CRYZ: variants seen among roughly 807,000 people sequenced by gnomAD.
CRYZ encodes crystallin zeta, also known as zeta-crystallin.
Under a neutral mutation model 34.1 loss-of-function variants are expected in CRYZ, and 35 were observed. That is an observed-to-expected ratio of 1.03 (90% CI 0.78 to 1.36). The LOEUF (loss-of-function observed/expected upper bound fraction) is 1.36. Among genes scored for constraint, CRYZ ranks in the 40% most tolerant of loss-of-function variants. CRYZ has a pLI of 0.00. For missense variants in CRYZ, 403 were observed against 391.8 expected (o/e 1.03, Z -0.24); for synonymous variants, 137 against 136.5 (o/e 1.00, Z -0.03).
chr1:74,728,112 T>C (rs1434907645), intron 1 of CRYZ, among the ~76,000 whole-genome samples: 2 of 152,244 alleles, frequency 1.3e-5, no homozygotes, highest in Admixed American at 6.5e-5. Flanking sequence ...AAAAGAATTC[T>C]ACAATTCGCT....
intron 5 of CRYZ, among the ~76,000 whole-genome samples, chr1:74,714,143 G>A (rs79933303): frequency 3.9e-5 from 6 of 152,154 alleles, no homozygotes; most frequent in African/African-American, 9.6e-5. Flanking sequence ...GAAGGACTAA[G>A]AATTCACAGT....
At chr1:74,732,142 TAC>T (rs1647799785) in intron 1 of CRYZ, among the ~76,000 whole-genome samples, 1 of 127,514 alleles carries the variant, frequency 7.8e-6, no homozygotes, top group African/African-American at 3.0e-5. Flanking sequence ...AGAAATCCCC[TAC>T]AGCTGGGCTG....
At chr1:74,721,445 A>C (rs188260481) in intron 3 of CRYZ, among the ~76,000 whole-genome samples, 28 of 152,290 alleles carry the variant, frequency 1.8e-4, no homozygotes, top group Non-Finnish European at 1.2e-4. Context: ...AAGGAATTTT[A>C]AGAGTCTCCC....
chr1:74,731,651 G>A (rs889025965), intron 1 of CRYZ, among the ~76,000 whole-genome samples: 2 of 152,178 alleles, frequency 1.3e-5, no homozygotes, highest in Non-Finnish European at 1.5e-5. Flanking sequence ...TATGGAACAG[G>A]GCAGTCTGTT....
chr1:74,723,266 A>G lies in CRYZ; in HGVS notation c.116T>C (p.Leu39Pro). Residue 39 changes from leucine to proline, a missense_variant, in exon 3 of 9, where the codon CTA (leucine) becomes CCA (proline). Coordinates refer to ENST00000340866, the MANE Select transcript of CRYZ (RefSeq NM_001889.4). The part of the protein sequence containing the change: ...AVPIPKDHQV[L>P]IKVHACGVNP... ...GACACCACATGCATGGACCTTGATT[A>G]GAACCTGCAATGACAATGTATTTTA... 6.2e-7 allele frequency: 1 copy of G among 1,608,766 alleles called. No individual in the cohort carries two copies. The highest frequency in any genetic ancestry group is 8.5e-7 in the Non-Finnish European group (1 of 1,178,782).
At chr1:74,729,028 T>A (rs1366619044) in intron 1 of CRYZ, among the ~76,000 whole-genome samples, 1 of 152,120 alleles carries the variant, frequency 6.6e-6, no homozygotes, top group African/African-American at 2.4e-5. Context: ...AGCTCAGAAT[T>A]CCTTAGACAA....
intron 6 of CRYZ, 105 bp downstream of exon 6, chr1:74,709,993 G>A: frequency 1.1e-6 from 1 of 883,218 alleles, no homozygotes; most frequent in Non-Finnish European, 1.7e-6. Flanking sequence ...CTGAAAAAAG[G>A]AAGCAAACAG....
chr1:74,732,454 T>A (rs930378144), intron 1 of CRYZ, among the ~76,000 whole-genome samples: 16 of 151,454 alleles, frequency 1.1e-4, no homozygotes, highest in African/African-American at 3.6e-4. Flanking sequence ...AGCTGGGCTG[T>A]GGGAAGGGGC....
chr1:74,722,574 C>A lies in CRYZ; in HGVS notation c.264+544G>T, dbSNP rs866181717. On this transcript the variant is annotated intron_variant, in intron 3 of 8. Coordinates refer to ENST00000340866, the MANE Select transcript of CRYZ (RefSeq NM_001889.4). Reference sequence around the variant, plus strand: ...GGAAAGATGCTAGGACATGAGCTTACTATGAATATGTCTTTGGGCATATAT... The same window carrying A: ...GGAAAGATGCTAGGACATGAGCTTAATATGAATATGTCTTTGGGCATATAT... Among the ~76,000 whole-genome samples the A allele has an allele frequency of 2.0e-3, 297 of 148,894 alleles. 2 individuals are homozygous for A. Among genetic ancestry groups the A allele is most frequent in the African/African-American group, 7.0e-3 (285 of 40,660 alleles).
intron 1 of CRYZ, among the ~76,000 whole-genome samples, chr1:74,726,142 T>C (rs894826167): frequency 2.7e-4 from 41 of 152,180 alleles, no homozygotes; most frequent in African/African-American, 9.6e-4. Context: ...AGTGGCCTTC[T>C]TCTCACAGCT....
chr1:74,706,704 T>C (rs1646933998), intron 8 of CRYZ, among the ~76,000 whole-genome samples, 195 bp downstream of exon 8: 1 of 152,018 alleles, frequency 6.6e-6, no homozygotes, highest in Non-Finnish European at 1.5e-5. Context: ...TAGTATCACA[T>C]TTCTATCTCA....
At chr1:74,716,531 A>T (rs1177861915) in intron 4 of CRYZ, among the ~76,000 whole-genome samples, 2 of 152,080 alleles carry the variant, frequency 1.3e-5, no homozygotes, top group Admixed American at 1.3e-4. Flanking sequence ...CAGAAAGAAA[A>T]TCAAGCATCA....
chr1:74,724,823 G>T lies in CRYZ; in HGVS notation c.-2C>A. The T allele has an allele frequency of 6.3e-7, 1 of 1,593,292 alleles. No individual in the cohort carries two copies. The highest frequency in any genetic ancestry group is 1.3e-5 in the African/African-American group (1 of 74,236). ...CATCAACTTCTGTCCAGTCGCCATG[G>T]TGATCTAGATACTAAGGAAGAAAAA... On this transcript the variant is annotated 5_prime_UTR_variant, in exon 2 of 9. Coordinates refer to ENST00000340866, the MANE Select transcript of CRYZ (RefSeq NM_001889.4).
At chr1:74,728,472 A>C (rs772461890) in intron 1 of CRYZ, among the ~76,000 whole-genome samples, 17 of 152,344 alleles carry the variant, frequency 1.1e-4, no homozygotes, top group Non-Finnish European at 1.9e-4. Context: ...AATCAACCAA[A>C]TAGTGTTAGA....
chr1:74,707,228 G>A lies in CRYZ; in HGVS notation c.631-24C>T, dbSNP rs780805667. On this transcript the variant is annotated intron_variant, in intron 6 of 8. Coordinates refer to ENST00000340866, the MANE Select transcript of CRYZ (RefSeq NM_001889.4). ...TTCTATATAATAAAAGAGAAATGTA[G>A]AGTAAGATAGCAAGTGAAAAACTGT... is the stretch of plus-strand genomic sequence containing the variant. The A allele has an allele frequency of 5.4e-6, 7 of 1,292,750 alleles. No homozygotes were observed. The East Asian group carries it at 1.4e-4, about 26-fold the overall frequency. 80.1% of individuals were successfully genotyped at this position (1,292,750 alleles called of 1,614,324 possible). A position where few individuals can be genotyped will look rare whatever the true frequency, so the allele number is the denominator to read the frequency against.
Position 74,706,437 on chromosome 1 carries a change from T to C in CRYZ, c.849A>G (p.Ala283=). 2 of 1,599,600 alleles carry C rather than the reference T, an allele frequency of 1.3e-6. No homozygotes were observed. The highest frequency in any genetic ancestry group is 1.7e-6 in the Non-Finnish European group (2 of 1,176,116). ...TTTCCATTCCAGCTTGAAGGGCTGC[T>C]GCATATTGCTGAAATTCCTCCTAAG... ...SSTKEEFQQY[A]AALQAGMEIG... is the part of the protein sequence containing the mutation. Residue 283 remains alanine, a synonymous_variant, in exon 9 of 9, where the codon GCA becomes GCG. Transcript: ENST00000340866.
At chr1:74,710,453 T>C (rs1359311483) in intron 5 of CRYZ, among the ~76,000 whole-genome samples, 1 of 152,230 alleles carries the variant, frequency 6.6e-6, no homozygotes, top group Non-Finnish European at 1.5e-5. Flanking sequence ...CTACATATTG[T>C]TTTATTCTAT....
At chr1:74,731,399 G>T (rs1336550974) in intron 1 of CRYZ, among the ~76,000 whole-genome samples, 1 of 152,100 alleles carries the variant, frequency 6.6e-6, no homozygotes, top group Non-Finnish European at 1.5e-5. Context: ...TTTAAAAACT[G>T]AAAACTTAGA....
intron 4 of CRYZ, among the ~76,000 whole-genome samples, chr1:74,718,449 ATC>A (rs1647106070): frequency 6.6e-6 from 1 of 152,126 alleles, no homozygotes; most frequent in African/African-American, 2.4e-5. Context: ...AAGCTCTATA[ATC>A]TGTCTTTTAC....
Sources: allele counts gnomAD v4.1 joint callset (sites outside exome capture counted in the v4.1 genomes callset), GRCh38; gene constraint gnomAD v4.1.1; transcripts MANE v1.5; gene names NCBI Gene and HGNC (gene_info 2026-07-23, HGNC 2026-07-21).